AVL9: variants seen among roughly 807,000 people sequenced by gnomAD.
The protein encoded by AVL9 is AVL9 cell migration associated, also known as late secretory pathway protein AVL9 homolog.
Under a neutral mutation model 79.2 loss-of-function variants are expected in AVL9, and 49 were observed. The ratio of observed to expected loss-of-function variants is 0.62; its 90% CI spans 0.49 to 0.79. AVL9 has a LOEUF of 0.79. Ranked by LOEUF, AVL9 falls within the 30% of genes least tolerant of loss-of-function variation. The probability of loss-of-function intolerance (pLI) is 0.00; values close to 1 mark genes in which losing one functional copy is unlikely to be tolerated. For synonymous variants in AVL9, 299 were observed against 280.6 expected, an observed-to-expected ratio of 1.07 and a Z score of -0.65; for missense variants, 682 against 776.8, an observed-to-expected ratio of 0.88 and a Z score of 1.45.
rs1791750142 is a variant in AVL9, at chr7:32,585,775, C to G, written c.*1868C>G. 2 of 152,208 alleles carry G rather than the reference C, an allele frequency of 1.3e-5. No homozygotes were observed. Among genetic ancestry groups the G allele is most frequent in the African/African-American group, 4.8e-5 (2 of 41,450 alleles). 9.4% of individuals were successfully genotyped at this position (152,208 alleles called of 1,614,324 possible). The stretch of plus-strand genomic sequence containing the variant: ...TAAATTGAAGGGCTGAATGTGAGAA[C>G]TCCATTAATTCCACTTCTTCCAAGA... On this transcript the variant is annotated 3_prime_UTR_variant, in exon 16 of 16. Transcript: ENST00000318709.
At chr7:32,503,371 T>TAC (rs1210453572) in intron 1 of AVL9, among the ~76,000 whole-genome samples, 8 of 105,178 alleles carry the variant, frequency 7.6e-5, no homozygotes, top group African/African-American at 2.9e-4. Context: ...GATATATATA[T>TAC]ATACACACAC....
intron 10 of AVL9, among the ~76,000 whole-genome samples, chr7:32,567,201 A>G (rs1193151435): frequency 6.6e-6 from 1 of 152,018 alleles, no homozygotes; most frequent in Non-Finnish European, 1.5e-5. Context: ...TCCTAGGCTC[A>G]TGGGATCCTC....
intron 1 of AVL9, among the ~76,000 whole-genome samples, chr7:32,509,226 T>A (rs1011401673): frequency 5.9e-5 from 9 of 152,124 alleles, no homozygotes; most frequent in African/African-American, 2.2e-4. Context: ...TGCAGGAGAC[T>A]TTCCTTAAGG....
chr7:32,516,662 A>G (rs943688528), intron 1 of AVL9, among the ~76,000 whole-genome samples: 6 of 151,488 alleles, frequency 4.0e-5, no homozygotes, highest in Admixed American at 3.3e-4. Flanking sequence ...GCCCTCCTGG[A>G]GGTGCTAGAC....
chr7:32,567,448 G>A (rs1790633555), intron 10 of AVL9, among the ~76,000 whole-genome samples: 1 of 152,058 alleles, frequency 6.6e-6, no homozygotes, highest in African/African-American at 2.4e-5. Context: ...TTAAATAATT[G>A]TATAAATATG....
intron 1 of AVL9, among the ~76,000 whole-genome samples, chr7:32,522,062 C>T (rs1788181055): frequency 6.6e-6 from 1 of 152,186 alleles, no homozygotes; most frequent in Admixed American, 6.5e-5. Flanking sequence ...GTCTAGATGC[C>T]CAGGCAAAAG....
intron 1 of AVL9, among the ~76,000 whole-genome samples, chr7:32,501,545 A>T (rs1787126622): frequency 6.6e-6 from 1 of 152,154 alleles, no homozygotes; most frequent in African/African-American, 2.4e-5. Context: ...AAATTATGAA[A>T]ATCTCTGACT....
intron 1 of AVL9, among the ~76,000 whole-genome samples, chr7:32,498,439 G>A (rs557568661): frequency 2.6e-5 from 4 of 151,664 alleles, no homozygotes; most frequent in Non-Finnish European, 5.9e-5. Flanking sequence ...TGGTAGAGAC[G>A]GGGTTTCACC....
intron 1 of AVL9, chr7:32,537,775 T>G (rs1788983900): frequency 6.6e-6 from 1 of 152,152 alleles, no homozygotes; most frequent in East Asian, 1.9e-4. Context: ...GAAAGGAGTT[T>G]TAATAAACAG....
chr7:32,524,529 TACACACACACACACAC>T (rs34652596), intron 1 of AVL9, among the ~76,000 whole-genome samples: 2 of 132,156 alleles, frequency 1.5e-5, no homozygotes, highest in Non-Finnish European at 3.3e-5. Context: ...GAGGGAGAAA[TACACACACACACACAC>T]ACACACACAC....
At chr7:32,531,474 G>C (rs547159489) in intron 1 of AVL9, 1 of 766 alleles carries the variant, frequency 1.3e-3, no homozygotes, top group African/African-American at 4.7e-3. Context: ...GAATGATAGC[G>C]TCTTAATGTT....
chr7:32,519,637 ATAG>A (rs763546276), intron 1 of AVL9, among the ~76,000 whole-genome samples: 58 of 152,110 alleles, frequency 3.8e-4, no homozygotes, highest in Non-Finnish European at 7.2e-4. Context: ...AAGAGTTAAA[ATAG>A]TAGTAATATT....
chr7:32,537,042 A>G (rs775293013), intron 1 of AVL9: 2 of 152,086 alleles, frequency 1.3e-5, no homozygotes, highest in Non-Finnish European at 2.9e-5. Flanking sequence ...GATTGACTAA[A>G]CCATTGGCCA....
chr7:32,509,339 C>T (rs1162899557), intron 1 of AVL9, among the ~76,000 whole-genome samples: 1 of 152,084 alleles, frequency 6.6e-6, no homozygotes, highest in African/African-American at 2.4e-5. Flanking sequence ...AACTCTGTAC[C>T]CTGTATCTAT....
intron 1 of AVL9, among the ~76,000 whole-genome samples, chr7:32,497,460 T>C (rs906784553): frequency 4.6e-5 from 7 of 152,238 alleles, no homozygotes; most frequent in Non-Finnish European, 2.9e-5. Context: ...TTAAAGTATG[T>C]AAGATTTGCC....
chr7:32,583,526 A>G lies in AVL9; in HGVS notation c.1832-266A>G, dbSNP rs372391004. 2.7e-4 allele frequency among the ~76,000 whole-genome samples: 41 copies of G among 152,134 alleles called. No homozygotes were observed. In the East Asian group the frequency reaches 6.4e-3, roughly 24 times the overall value. Reference sequence around the variant, plus strand: ...AGACCCTGTCTCTACAAAAAATCAAAAAATTACCCAGGTGTGGTCACACAG... The same window carrying G: ...AGACCCTGTCTCTACAAAAAATCAAGAAATTACCCAGGTGTGGTCACACAG... On this transcript the variant is annotated intron_variant, in intron 15 of 15. Coordinates refer to ENST00000318709, the MANE Select transcript of AVL9 (RefSeq NM_015060.3).
At chr7:32,495,849 C>T (rs1022149127) in intron 1 of AVL9, 47 bp downstream of exon 1, 24 of 1,209,812 alleles carry the variant, frequency 2.0e-5, no homozygotes, top group Non-Finnish European at 2.5e-5. Flanking sequence ...GGCGTTCGCC[C>T]CTTCCGGGGC....
intron 1 of AVL9, among the ~76,000 whole-genome samples, chr7:32,515,837 G>A (rs770296999): frequency 7.2e-5 from 11 of 152,154 alleles, no homozygotes; most frequent in Non-Finnish European, 1.2e-4. Context: ...ATTCCAAATT[G>A]TAGGGAACAA....
chr7:32,529,724 CTT>C (rs1167848930), intron 1 of AVL9, among the ~76,000 whole-genome samples: 1 of 152,150 alleles, frequency 6.6e-6, no homozygotes, highest in Non-Finnish European at 1.5e-5. Context: ...TGAGGTGTAA[CTT>C]ATAAACAATA....
Sources: allele counts gnomAD v4.1 joint callset (sites outside exome capture counted in the v4.1 genomes callset), GRCh38; gene constraint gnomAD v4.1.1; transcripts MANE v1.5; gene names NCBI Gene and HGNC (gene_info 2026-07-23, HGNC 2026-07-21).